The following FGGY variants were observed in gnomAD, a reference collection of about 807,000 sequenced individuals.
The protein encoded by FGGY is FGGY carbohydrate kinase domain containing.
FGGY carries 72 observed loss-of-function variants against 71.3 expected under a neutral mutation model. The ratio of observed to expected loss-of-function variants is 1.01; its 90% CI spans 0.84 to 1.23. The LOEUF (loss-of-function observed/expected upper bound fraction) is 1.23, where lower values mean the gene tolerates loss of function less well. FGGY is among the 50% of genes most tolerant of loss of function. The pLI is 0.00. For synonymous variants in FGGY, 251 were observed against 250.3 expected (o/e 1.00, Z -0.02); for missense variants, 668 against 682.3 (o/e 0.98, Z 0.23).
chr1:59,595,329 A>AATGAC (rs201629152), intron 8 of FGGY, among the ~76,000 whole-genome samples: 2,672 of 152,266 alleles, frequency 0.018, 43 homozygotes, highest in Non-Finnish European at 0.027. Flanking sequence ...TTTAAAAAAA[A>AATGAC]ATGACAGTAA....
intron 6 of FGGY, among the ~76,000 whole-genome samples, chr1:59,462,545 T>A (rs905906269): frequency 3.9e-5 from 6 of 152,170 alleles, no homozygotes; most frequent in Non-Finnish European, 7.3e-5. Flanking sequence ...CAGAAAATTT[T>A]CGCAACCTAC....
At chr1:59,534,691 A>C (rs1243597341) in intron 7 of FGGY, among the ~76,000 whole-genome samples, 1 of 151,834 alleles carries the variant, frequency 6.6e-6, no homozygotes, top group Non-Finnish European at 1.5e-5. Context: ...ATTCTTAAAG[A>C]AAAGAATTTT....
At chr1:59,509,340 A>G (rs1191217847) in intron 6 of FGGY, among the ~76,000 whole-genome samples, 3 of 152,176 alleles carry the variant, frequency 2.0e-5, no homozygotes, top group African/African-American at 7.2e-5. Flanking sequence ...ATAGATTCAC[A>G]CTATTTTCCC....
chr1:59,459,855 G>A (rs1038449730), intron 6 of FGGY, among the ~76,000 whole-genome samples: 4 of 152,208 alleles, frequency 2.6e-5, no homozygotes, highest in Non-Finnish European at 2.9e-5. Flanking sequence ...ATGAAAAGTC[G>A]TGTGTGCAAC....
At chr1:59,660,084 C>T (rs1012258720) in intron 11 of FGGY, 135 bp from the exon 12 acceptor site, 22 of 707,576 alleles carry the variant, frequency 3.1e-5, no homozygotes, top group Middle Eastern at 2.4e-4. Flanking sequence ...TTTCACGTTC[C>T]GCTCACAAAA....
chr1:59,725,552 A>G (rs1482808776), intron 14 of FGGY, among the ~76,000 whole-genome samples: 1 of 152,114 alleles, frequency 6.6e-6, no homozygotes, highest in Non-Finnish European at 1.5e-5. Flanking sequence ...AGAGTTTTGT[A>G]ATTTTCCACA....
intron 4 of FGGY, among the ~76,000 whole-genome samples, chr1:59,362,282 T>C (rs1465567959): frequency 2.0e-5 from 3 of 152,144 alleles, no homozygotes; most frequent in Non-Finnish European, 4.4e-5. Flanking sequence ...ATTTGCTCTG[T>C]CCTTTCTCTT....
intron 1 of FGGY, among the ~76,000 whole-genome samples, chr1:59,303,916 G>A (rs949807030): frequency 8.6e-5 from 13 of 151,690 alleles, no homozygotes; most frequent in East Asian, 3.9e-4. Context: ...ATGTCTATTC[G>A]AGTTCTTTGC....
chr1:59,762,066 A>AT lies in FGGY; in HGVS notation c.1575-418dup, dbSNP rs3990362. On this transcript the variant is annotated intron_variant, in intron 15 of 15. Transcript: ENST00000303721. ...CTTTGTATATGCCTCTCATTTAGGA[A>AT]TTTTTTTTTTTTTTTTTTTGATGGA... is the stretch of plus-strand genomic sequence containing the variant. Among the ~76,000 whole-genome samples the AT allele has an allele frequency of 3.4e-3, 478 of 141,498 alleles. 3 individuals carry two copies. Among genetic ancestry groups the AT allele is most frequent in the Middle Eastern group, 7.2e-3 (2 of 276 alleles). The allele number at this position is 141,498 out of a possible 152,430, so 92.8% of individuals were successfully genotyped here. A position where few individuals can be genotyped will look rare whatever the true frequency, so the allele number is the denominator to read the frequency against.
chr1:59,538,985 T>TA (rs2095392936), intron 7 of FGGY, among the ~76,000 whole-genome samples: 1 of 151,942 alleles, frequency 6.6e-6, no homozygotes, highest in Non-Finnish European at 1.5e-5. Flanking sequence ...CCCTAAAACT[T>TA]AAAGTATAAT....
chr1:59,504,003 A>T lies in FGGY; in HGVS notation c.671-8308A>T, dbSNP rs185364071. ...AGAATGCTACACAGAGAGGCCAAAAAAAGTCTGAGCAGATAGTCCTTGCTG... is the reference window on the plus strand; with the variant it reads ...AGAATGCTACACAGAGAGGCCAAAATAAGTCTGAGCAGATAGTCCTTGCTG... On this transcript the variant is annotated intron_variant, in intron 6 of 15. Transcript: ENST00000303721. Among the ~76,000 whole-genome samples, 7 of 152,274 alleles carry T rather than the reference A, an allele frequency of 4.6e-5. No homozygotes were observed. The East Asian group carries it at 1.4e-3, about 29-fold the overall frequency.
intron 14 of FGGY, among the ~76,000 whole-genome samples, chr1:59,752,766 T>G (rs912788421): frequency 6.6e-6 from 1 of 152,134 alleles, no homozygotes; most frequent in Non-Finnish European, 1.5e-5. Context: ...AGAGAAGTGG[T>G]GAGCAGTGTG....
At chr1:59,619,501 C>T (rs966500402) in intron 9 of FGGY, among the ~76,000 whole-genome samples, 1 of 151,966 alleles carries the variant, frequency 6.6e-6, no homozygotes, top group South Asian at 2.1e-4. Context: ...AGGAATTTAG[C>T]TATTTTGAAA....
At chr1:59,625,290 T>A (rs1181711095) in intron 9 of FGGY, among the ~76,000 whole-genome samples, 2 of 152,092 alleles carry the variant, frequency 1.3e-5, no homozygotes, top group East Asian at 3.9e-4. Flanking sequence ...TCATACTATT[T>A]TGTTTAGAGC....
chr1:59,432,216 C>A (rs1484113519), intron 5 of FGGY, among the ~76,000 whole-genome samples: 1 of 152,202 alleles, frequency 6.6e-6, no homozygotes, highest in Non-Finnish European at 1.5e-5. Context: ...TTCCCACATA[C>A]CTTGCCCTAT....
Position 59,653,354 on chromosome 1 carries a change from T to C in FGGY, c.1222-6865T>C, listed in dbSNP as rs531206575. 2.9e-3 allele frequency among the ~76,000 whole-genome samples: 439 copies of C among 152,046 alleles called. 3 individuals carry two copies. The highest frequency in any genetic ancestry group is 1.0e-2 in the African/African-American group (413 of 41,352). On this transcript the variant is annotated intron_variant, in intron 11 of 15. Coordinates refer to ENST00000303721, the MANE Select transcript of FGGY (RefSeq NM_018291.5). The stretch of plus-strand genomic sequence containing the variant: ...ATGGCGGGCGCCCCTCCCCCAGCCT[T>C]GCTGCCGCCTTGCAGTTTGATCTCA...
intron 5 of FGGY, among the ~76,000 whole-genome samples, chr1:59,383,621 G>C (rs2059738767): frequency 6.6e-6 from 1 of 152,036 alleles, no homozygotes; most frequent in Non-Finnish European, 1.5e-5. Flanking sequence ...AGTCTCATAA[G>C]AAATGTTTAC....
intron 8 of FGGY, among the ~76,000 whole-genome samples, chr1:59,590,556 C>G (rs1020737715): frequency 2.0e-5 from 3 of 151,966 alleles, no homozygotes; most frequent in African/African-American, 7.3e-5. Flanking sequence ...ACTGGCAAAC[C>G]GAATCCAGCA....
chr1:59,301,236 A>T (rs1281776063), intron 1 of FGGY, among the ~76,000 whole-genome samples: 2 of 152,216 alleles, frequency 1.3e-5, no homozygotes, highest in African/African-American at 4.8e-5. Context: ...ATTGTAAATG[A>T]TATTAAAATT....
Sources: gnomAD v4.1 joint callset for allele counts (sites outside exome capture counted in the v4.1 genomes callset) on GRCh38, gnomAD v4.1.1 for gene constraint, MANE v1.5 for transcripts, NCBI Gene and HGNC (gene_info 2026-07-23, HGNC 2026-07-21) for gene names.